Variants in DSN1 observed in about 807,000 individuals in gnomAD.
DSN1 encodes kinetochore-associated protein DSN1 homolog.
In DSN1, 31 loss-of-function variants were observed where a neutral mutation model predicts 45.7. The ratio of observed to expected loss-of-function variants is 0.68; its 90% CI spans 0.51 to 0.92. The LOEUF (loss-of-function observed/expected upper bound fraction) is 0.92, where lower values mean the gene tolerates loss of function less well. DSN1 is among the 40% of genes least tolerant of loss of function. The pLI is 0.00. For missense variants in DSN1, 394 were observed against 414.2 expected (o/e 0.95, Z 0.42); for synonymous variants, 134 against 142.3 (o/e 0.94, Z 0.41).
intron 10 of DSN1, among the ~76,000 whole-genome samples, chr20:36,754,459 A>C (rs1391138704): frequency 2.6e-5 from 4 of 152,190 alleles, no homozygotes; most frequent in African/African-American, 9.6e-5. Context: ...CACTTAGTGA[A>C]TTCTTGAGAA....
intron 8 of DSN1, among the ~76,000 whole-genome samples, chr20:36,757,253 G>T (rs1986722048): frequency 1.3e-5 from 2 of 152,260 alleles, no homozygotes; most frequent in Middle Eastern, 6.8e-3. Context: ...CTACTCGGGA[G>T]GCTGAGGCAG....
chr20:36,755,937 G>T, intron 8 of DSN1, 108 bp from the exon 9 acceptor site: 1 of 1,274,586 alleles, frequency 7.8e-7, no homozygotes, highest in Non-Finnish European at 1.1e-6. Context: ...CTCTACGCTA[G>T]CTATAGGCTC....
chr20:36,769,677 T>C (rs1224266297), intron 3 of DSN1, among the ~76,000 whole-genome samples: 1 of 152,106 alleles, frequency 6.6e-6, no homozygotes, highest in Non-Finnish European at 1.5e-5. Flanking sequence ...TTATGTAAGA[T>C]AGGTACTATT....
chr20:36,773,733 G>A lies in DSN1; in HGVS notation c.-87C>T, dbSNP rs1987772781. On this transcript the variant is annotated 5_prime_UTR_variant, in exon 1 of 11. Coordinates refer to ENST00000373750, the MANE Select transcript of DSN1 (RefSeq NM_001145315.2). ...CTGGACGCCTTGCGCACCCGCAGCC[G>A]ATACTCCCTGATCAGGGTGAAGCGG... 3 of 985,568 alleles carry A rather than the reference G, an allele frequency of 3.0e-6. No individual in the cohort carries two copies. The highest frequency in any genetic ancestry group is 3.6e-6 in the Non-Finnish European group (3 of 830,006). The allele number at this position is 985,568 out of a possible 1,614,324, so 61.1% of individuals were successfully genotyped here. A position where few individuals can be genotyped will look rare whatever the true frequency, so the allele number is the denominator to read the frequency against.
chr20:36,764,469 G>A (rs1987202619), intron 5 of DSN1, among the ~76,000 whole-genome samples: 1 of 152,106 alleles, frequency 6.6e-6, no homozygotes, highest in Non-Finnish European at 1.5e-5. Flanking sequence ...GAGTATTTCT[G>A]ACCCTGGATA....
chr20:36,757,363 A>G (rs1986730164), intron 8 of DSN1, among the ~76,000 whole-genome samples: 1 of 151,250 alleles, frequency 6.6e-6, no homozygotes, highest in Non-Finnish European at 1.5e-5. Flanking sequence ...ACAAAAAAAC[A>G]ACAAAAAAAC....
chr20:36,768,984 A>G (rs1264675383), intron 3 of DSN1, among the ~76,000 whole-genome samples: 1 of 152,188 alleles, frequency 6.6e-6, no homozygotes, highest in Admixed American at 6.5e-5. Flanking sequence ...ATGAAATGCT[A>G]TATACGTATT....
chr20:36,771,519 C>A, intron 1 of DSN1, 46 bp from the exon 2 acceptor site: 1 of 1,579,002 alleles, frequency 6.3e-7, no homozygotes, highest in South Asian at 1.1e-5. Flanking sequence ...CGTTTCACTG[C>A]AGTCTCAATG....
rs994445805 is a variant in DSN1 at position 36,771,559 on chromosome 20, G to A, written c.-15-86C>T. On this transcript the variant is annotated intron_variant, in intron 1 of 10. Coordinates refer to ENST00000373750, the MANE Select transcript of DSN1 (RefSeq NM_001145315.2). Reference sequence around the variant, plus strand: ...TTTACAGCCCCAGAATAAATAGGCCGTGTGCTTTCCAGCCTCTCTGAGCTA... The same window carrying A: ...TTTACAGCCCCAGAATAAATAGGCCATGTGCTTTCCAGCCTCTCTGAGCTA... The A allele has an allele frequency of 1.9e-5, 25 of 1,312,910 alleles. No individual in the cohort carries two copies. The East Asian group carries it at 3.0e-4, about 16-fold the overall frequency. 81.3% of individuals were successfully genotyped at this position (1,312,910 alleles called of 1,614,324 possible).
In DSN1 at chr20:36,758,092, C is replaced by T. The variant is rs1406223319; in HGVS notation, c.720G>A (p.Leu240=). The change falls in exon 8 of 11, where the codon TTG becomes TTA. Residue 240 remains leucine (L), a synonymous_variant. Transcript: ENST00000373750. ...LHYQQEAKEI[L]SRGSTEAKIT... is the part of the protein sequence containing the mutation. Reference sequence around the variant, plus strand: ...TTACAGTTCATAGATCTAACCTGGACAATATCTCTTTAGCCTCCTGCTGGT... The same window carrying T: ...TTACAGTTCATAGATCTAACCTGGATAATATCTCTTTAGCCTCCTGCTGGT... The T allele has an allele frequency of 6.2e-7, 1 of 1,613,764 alleles. No homozygotes were observed. Among genetic ancestry groups the T allele is most frequent in the Non-Finnish European group, 8.5e-7 (1 of 1,179,800 alleles).
chr20:36,768,001 G>T lies in DSN1; in HGVS notation c.397C>A (p.Arg133=), dbSNP rs368233235. ...CTGGAAAGCAGGAGACAGCCAAGCCGTTTGCTTTCTGCTAAATCGACACTG... is the reference window on the plus strand; with the variant it reads ...CTGGAAAGCAGGAGACAGCCAAGCCTTTTGCTTTCTGCTAAATCGACACTG... ...SISVDLAESK[R]LGCLLLSSFQ... Residue 133 remains arginine (R), a synonymous_variant, in exon 4 of 11, where the codon CGG becomes AGG. Transcript: ENST00000373750. 6 of 1,613,942 alleles carry T rather than the reference G, an allele frequency of 3.7e-6. No homozygotes were observed. The South Asian group carries it at 5.5e-5, about 15-fold the overall frequency.
chr20:36,755,930 T>C (rs1986648170), intron 8 of DSN1, 101 bp from the exon 9 acceptor site: 2 of 1,335,202 alleles, frequency 1.5e-6, no homozygotes, highest in Admixed American at 2.3e-5. Flanking sequence ...TCCTCCACTC[T>C]ACGCTAGCTA....
intron 3 of DSN1, among the ~76,000 whole-genome samples, chr20:36,770,413 T>C (rs955954257): frequency 6.6e-6 from 1 of 152,140 alleles, no homozygotes; most frequent in African/African-American, 2.4e-5. Flanking sequence ...TTTCCAGTTA[T>C]AAAGGCTAAA....
At position 36,766,902 on chromosome 20, in the gene DSN1, T is replaced by C. The variant is rs1337513309; in HGVS notation, c.430-61A>G. On this transcript the variant is annotated intron_variant, in intron 4 of 10. Transcript: ENST00000373750. ...AAAACTTCCAGGCCAGTCCTAAATT[T>C]ATGTCATTTTATGATGTTTAATAAA... 2.7e-6 allele frequency: 3 copies of C among 1,117,006 alleles called. No homozygotes were observed. The African/African-American group carries it at 4.8e-5, about 18-fold the overall frequency. The allele number at this position is 1,117,006 out of a possible 1,614,324, so 69.2% of individuals were successfully genotyped here. A position where few individuals can be genotyped will look rare whatever the true frequency, so the allele number is the denominator to read the frequency against.
At chr20:36,753,723 G>A (rs1986509334) in intron 10 of DSN1, among the ~76,000 whole-genome samples, 1 of 151,598 alleles carries the variant, frequency 6.6e-6, no homozygotes, top group Non-Finnish European at 1.5e-5. Context: ...TAAGAAGATG[G>A]AGGCTGGGAG....
chr20:36,773,459 C>T lies in DSN1; in HGVS notation c.-16+203G>A, dbSNP rs544254688. On this transcript the variant is annotated intron_variant, in intron 1 of 10. Coordinates refer to ENST00000373750, the MANE Select transcript of DSN1 (RefSeq NM_001145315.2). ...TCTCTAATGGGGTCGGTAAGGGGGA[C>T]TGCCCTCGGGTTTCATTTCACCCGG... The T allele has an allele frequency of 1.2e-5, 12 of 985,628 alleles. No homozygotes were observed. The African/African-American group carries it at 2.1e-4, about 17-fold the overall frequency. The allele number at this position is 985,628 out of a possible 1,614,324, so 61.1% of individuals were successfully genotyped here.
Position 36,765,510 on chromosome 20 carries a change from G to A in DSN1, c.502+1259C>T, listed in dbSNP as rs1476982269. 2.6e-5 allele frequency among the ~76,000 whole-genome samples: 4 copies of A among 151,094 alleles called. No homozygotes were observed. In the East Asian group the frequency reaches 7.8e-4, roughly 29 times the overall value. On this transcript the variant is annotated intron_variant, in intron 5 of 10. Transcript: ENST00000373750. Reference sequence around the variant, plus strand: ...GCAGAGGTTGCAGTGAGCCAAGATTGCACCACTGCACTCCAGCCTGGGCAA... The same window carrying A: ...GCAGAGGTTGCAGTGAGCCAAGATTACACCACTGCACTCCAGCCTGGGCAA...
At chr20:36,754,937 G>C in intron 9 of DSN1, 87 bp from the exon 10 acceptor site, 1 of 1,135,742 alleles carries the variant, frequency 8.8e-7, no homozygotes, top group Non-Finnish European at 1.3e-6. Context: ...TTGCTCAGGA[G>C]CTCTGGGCTT....
At chr20:36,758,488 T>C (rs1986793603) in intron 7 of DSN1, 70 bp downstream of exon 7, 4 of 1,368,772 alleles carry the variant, frequency 2.9e-6, no homozygotes, top group Non-Finnish European at 4.1e-6. Flanking sequence ...TTACTATTCA[T>C]TTTTTCCAAG....
Sources: gnomAD v4.1 joint callset for allele counts (sites outside exome capture counted in the v4.1 genomes callset) on GRCh38, gnomAD v4.1.1 for gene constraint, MANE v1.5 for transcripts, NCBI Gene and HGNC (gene_info 2026-07-23, HGNC 2026-07-21) for gene names.